The following SF3B6 variants were observed in gnomAD, a reference collection of about 807,000 sequenced individuals.
SF3B6 encodes the protein splicing factor 3b subunit 6, also known as SF3b 14 kDa subunit.
In SF3B6, 3 loss-of-function variants were observed where a neutral mutation model predicts 15.9. That is an observed-to-expected ratio of 0.19 (90% CI 0.09 to 0.49). SF3B6 has a LOEUF of 0.49. SF3B6 is among the 20% of genes least tolerant of loss of function. The pLI is 0.97. For missense variants in SF3B6, 71 were observed against 154.3 expected (o/e 0.46, Z 2.86); for synonymous variants, 49 against 51.1 (o/e 0.96, Z 0.18).
chr2:24,070,144 C>G (rs1573707173), intron 2 of SF3B6, among the ~76,000 whole-genome samples: 1 of 152,164 alleles, frequency 6.6e-6, no homozygotes, highest in African/African-American at 2.4e-5. Context: ...AGTGTCCCAG[C>G]CCTAATTATC....
chr2:24,067,823 T>C lies in SF3B6; in HGVS notation c.317A>G (p.Lys106Arg). 6.2e-7 allele frequency: 1 copy of C among 1,614,170 alleles called. No homozygotes were observed. Among genetic ancestry groups the C allele is most frequent in the Non-Finnish European group, 8.5e-7 (1 of 1,180,006 alleles). ...RAFQKMDTKK[K>R]EEQLKLLKEK... ...CTTGAGAAGCTTCAACTGTTCCTCC[T>C]TCTTCTTTGTGTCCATCTTCTGAAA... Residue 106 changes from lysine to arginine, a missense_variant, in exon 4 of 4, where the codon AAG (lysine) becomes AGG (arginine). By Grantham distance (26) the Lys-to-Arg change is conservative (BLOSUM62 2). Transcript: ENST00000233468.
chr2:24,076,232 TGGC>T lies in SF3B6; in HGVS notation c.-6_-4del. The T allele has an allele frequency of 6.2e-7, 1 of 1,614,190 alleles. No homozygotes were observed. The highest frequency in any genetic ancestry group is 8.5e-7 in the Non-Finnish European group (1 of 1,180,024). ...CTCTTGGCCGCTTGCATCGCCATCT[TGGC>T]GGGCTGATGAAGTTACCGTAGCAGA... On this transcript the variant is annotated 5_prime_UTR_variant, in exon 1 of 4. Transcript: ENST00000233468.
chr2:24,075,356 TCTG>T (rs373578326), intron 1 of SF3B6, among the ~76,000 whole-genome samples: 6,386 of 95,386 alleles, frequency 0.067, 192 homozygotes, highest in African/African-American at 0.1. Flanking sequence ...TTTCTTTCTT[TCTG>T]TTTTTTTTTT....
rs1243176077 is a variant in SF3B6, at chr2:24,074,160, T to C, written c.65A>G (p.Tyr22Cys). ...RLPPEVNRIL[Y>C]IRNLPYKITA... ...GATTTTGTATGGCAAATTTCTTATA[T>C]ACAATATCCGATTTACTTCAGGTGG... is the stretch of plus-strand genomic sequence containing the variant. Residue 22 changes from tyrosine to cysteine, a missense_variant, in exon 2 of 4, where the codon TAT becomes TGT. This residue lies in a region of SF3B6 where 17 missense variants were observed against 19.9 expected (regional missense o/e 0.86). Coordinates refer to ENST00000233468, the MANE Select transcript of SF3B6 (RefSeq NM_016047.4). 1 of 1,605,824 alleles carries C rather than the reference T, an allele frequency of 6.2e-7. No homozygotes were observed. The highest frequency in any genetic ancestry group is 2.2e-5 in the East Asian group (1 of 44,770).
chr2:24,072,533 G>A, intron 2 of SF3B6, among the ~76,000 whole-genome samples: 1 of 152,168 alleles, frequency 6.6e-6, no homozygotes, highest in African/African-American at 2.4e-5. Flanking sequence ...AACTGATAAA[G>A]TACCTTCACA....
rs1428998144 is a variant in SF3B6 at position 24,068,351 on chromosome 2, G to A, written c.258C>T (p.Tyr86=). The change falls in exon 3 of 4, where the codon TAC becomes TAT. Residue 86 remains tyrosine, a synonymous_variant. Coordinates refer to ENST00000233468, the MANE Select transcript of SF3B6 (RefSeq NM_016047.4). ...TGGCATTATAGTACAAAACCACAAG[G>A]TATCTGTTACAAACATTGAATCCCG... ...HLSGFNVCNR[Y]LVVLYYNANR... 6.2e-7 allele frequency: 1 copy of A among 1,613,928 alleles called. No individual in the cohort carries two copies. Among genetic ancestry groups the A allele is most frequent in the African/African-American group, 1.3e-5 (1 of 75,034 alleles).
Position 24,067,818 on chromosome 2 carries a change from C to T in SF3B6, c.322G>A (p.Glu108Lys). ...FQKMDTKKKE[E>K]QLKLLKEKYG... ...TTCTCCTTGAGAAGCTTCAACTGTT[C>T]CTCCTTCTTCTTTGTGTCCATCTTC... The change falls in exon 4 of 4, where the codon GAA (glutamate) becomes AAA (lysine). Residue 108 changes from glutamate to lysine, a missense_variant. Glu to Lys is a moderately conservative substitution (Grantham distance 56). Around this residue, in one of 3 missense-constraint regions of SF3B6, gnomAD observed 52 missense variants for 113.2 expected, o/e 0.46. Transcript: ENST00000233468. 2 of 1,614,058 alleles carry T rather than the reference C, an allele frequency of 1.2e-6. No individual in the cohort carries two copies. Among genetic ancestry groups the T allele is most frequent in the Admixed American group, 1.7e-5 (1 of 60,010 alleles).
intron 1 of SF3B6, 74 bp from the exon 2 acceptor site, chr2:24,074,268 T>TTA: frequency 5.7e-6 from 4 of 701,378 alleles, no homozygotes; most frequent in Non-Finnish European, 7.2e-6. Context: ...GCCCCTATAA[T>TTA]TAGGGGCATT....
At chr2:24,071,901 A>G (rs1022250447) in intron 2 of SF3B6, among the ~76,000 whole-genome samples, 12 of 152,216 alleles carry the variant, frequency 7.9e-5, no homozygotes, top group African/African-American at 2.7e-4. Flanking sequence ...ACTGATTTTA[A>G]GCATCCCTTA....
chr2:24,068,825 CTT>C (rs1240105952), intron 2 of SF3B6, among the ~76,000 whole-genome samples: 2 of 152,018 alleles, frequency 1.3e-5, no homozygotes, highest in Admixed American at 1.3e-4. Flanking sequence ...TCTACGTTGT[CTT>C]TGTTTTGTTT....
intron 1 of SF3B6, among the ~76,000 whole-genome samples, chr2:24,075,650 T>C (rs1379053863): frequency 6.6e-6 from 1 of 151,964 alleles, no homozygotes; most frequent in Non-Finnish European, 1.5e-5. Flanking sequence ...GAAGGACTTG[T>C]TTTATTCACT....
rs1254021523 is a variant in SF3B6, at chr2:24,068,357, G to A, written c.252C>T (p.Asn84=). 3 of 1,613,950 alleles carry A rather than the reference G, an allele frequency of 1.9e-6. No individual in the cohort carries two copies. The highest frequency in any genetic ancestry group is 2.5e-6 in the Non-Finnish European group (3 of 1,179,994). The change falls in exon 3 of 4, where the codon AAC becomes AAT. Residue 84 remains asparagine (N), a synonymous_variant. Transcript: ENST00000233468. ...CDHLSGFNVC[N]RYLVVLYYNA... ...TATAGTACAAAACCACAAGGTATCTGTTACAAACATTGAATCCCGATAGGT... is the reference window on the plus strand; with the variant it reads ...TATAGTACAAAACCACAAGGTATCTATTACAAACATTGAATCCCGATAGGT...
At chr2:24,070,919 T>A (rs946806443) in intron 2 of SF3B6, among the ~76,000 whole-genome samples, 2 of 152,230 alleles carry the variant, frequency 1.3e-5, no homozygotes, top group African/African-American at 4.8e-5. Context: ...GTGAAAAAGA[T>A]AAGCATCATC....
At chr2:24,069,692 T>C (rs1664623356) in intron 2 of SF3B6, among the ~76,000 whole-genome samples, 1 of 152,166 alleles carries the variant, frequency 6.6e-6, no homozygotes. Flanking sequence ...GTCTGGGCCC[T>C]GTTCAAGCTT....
chr2:24,076,170 C>T, intron 1 of SF3B6, 30 bp downstream of exon 1: 1 of 1,614,086 alleles, frequency 6.2e-7, no homozygotes, highest in Non-Finnish European at 8.5e-7. Flanking sequence ...CCGAAGTTCT[C>T]CCACCCTCCG....
intron 2 of SF3B6, among the ~76,000 whole-genome samples, 173 bp from the exon 3 acceptor site, chr2:24,068,632 A>G (rs1414337532): frequency 6.6e-6 from 1 of 152,256 alleles, no homozygotes; most frequent in Non-Finnish European, 1.5e-5. Context: ...ATAAACATGG[A>G]TAGATATACC....
chr2:24,069,790 G>A (rs1664625168), intron 2 of SF3B6, among the ~76,000 whole-genome samples: 1 of 152,194 alleles, frequency 6.6e-6, no homozygotes, highest in Non-Finnish European at 1.5e-5. Context: ...TTGTCAGGTT[G>A]TGTGGGCCTG....
At chr2:24,074,851 G>A (rs1392444623) in intron 1 of SF3B6, among the ~76,000 whole-genome samples, 1 of 152,080 alleles carries the variant, frequency 6.6e-6, no homozygotes, top group African/African-American at 2.4e-5. Context: ...CTATCTGGCC[G>A]GGTGCGGTGG....
At chr2:24,069,052 C>T (rs1359711513) in intron 2 of SF3B6, among the ~76,000 whole-genome samples, 2 of 152,104 alleles carry the variant, frequency 1.3e-5, no homozygotes, top group African/African-American at 4.8e-5. Context: ...TCATCATGTT[C>T]CCCAGGCTGG....
Sources: allele counts gnomAD v4.1 joint callset (sites outside exome capture counted in the v4.1 genomes callset), GRCh38; gene constraint gnomAD v4.1.1; regional missense constraint gnomAD v4.1.1; transcripts MANE v1.5; gene names NCBI Gene and HGNC (gene_info 2026-07-23, HGNC 2026-07-21).